The following BTBD7 variants were observed in gnomAD, a reference collection of about 807,000 sequenced individuals.
The protein encoded by BTBD7 is BTB/POZ domain-containing protein 7.
In BTBD7, 38 loss-of-function variants were observed where a neutral mutation model predicts 99.9. That is an observed-to-expected ratio of 0.38 (90% CI 0.29 to 0.50). The LOEUF is 0.50. Among genes scored for constraint, BTBD7 ranks in the 20% least tolerant of loss-of-function variants. The pLI is 0.93. For missense variants in BTBD7, 1,170 were observed against 1,394.6 expected, an observed-to-expected ratio of 0.84 and a Z score of 2.57; for synonymous variants, 520 against 511.4, an observed-to-expected ratio of 1.02 and a Z score of -0.23.
At chr14:93,327,337 A>C (rs2139835082) in intron 1 of BTBD7, among the ~76,000 whole-genome samples, 1 of 152,354 alleles carries the variant, frequency 6.6e-6, no homozygotes, top group African/African-American at 2.4e-5. Flanking sequence ...TACAAATGTG[A>C]GCCAGTTGTA....
At chr14:93,299,815 T>A (rs2052971720) in intron 1 of BTBD7, among the ~76,000 whole-genome samples, 1 of 152,094 alleles carries the variant, frequency 6.6e-6, no homozygotes. Flanking sequence ...TCCAAAGAGC[T>A]TTCCCAAAGT....
chr14:93,331,888 C>G (rs950822019), intron 1 of BTBD7, among the ~76,000 whole-genome samples: 33 of 147,904 alleles, frequency 2.2e-4, no homozygotes, highest in East Asian at 7.8e-4. Context: ...CTCCCCCCCC[C>G]CAAAAAGGTT....
intron 3 of BTBD7, chr14:93,288,091 A>G (rs12587394): frequency 0.17 from 29,306 of 172,340 alleles, 2,778 homozygotes; most frequent in East Asian, 0.31. Flanking sequence ...TCTGATTCCT[A>G]TTTCTTTGCA....
intron 3 of BTBD7, among the ~76,000 whole-genome samples, chr14:93,290,969 G>C (rs1389275223): frequency 6.7e-6 from 1 of 149,450 alleles, no homozygotes. Context: ...ACAAGTGTGG[G>C]CCACTGTGCT....
chr14:93,315,671 G>A (rs892346188), intron 1 of BTBD7, among the ~76,000 whole-genome samples: 3 of 152,134 alleles, frequency 2.0e-5, no homozygotes, highest in African/African-American at 4.8e-5. Context: ...GGGCTTTTGT[G>A]ACTGGCTTCT....
At chr14:93,315,424 A>C (rs1169051884) in intron 1 of BTBD7, among the ~76,000 whole-genome samples, 1 of 152,218 alleles carries the variant, frequency 6.6e-6, no homozygotes. Context: ...GTACAATGTT[A>C]GGCTTGACTT....
At position 93,240,135 on chromosome 14, in the gene BTBD7, C is replaced by G. The variant is rs2139664441; in HGVS notation, c.*2138G>C. On this transcript the variant is annotated 3_prime_UTR_variant, in exon 11 of 11. Coordinates refer to ENST00000334746, the MANE Select transcript of BTBD7 (RefSeq NM_001002860.4). ...TATGCTTTTCTCTTTAAAAAAGGAGCCTCGAATGCGATGCACAGCCGACCT... is the reference window on the plus strand; with the variant it reads ...TATGCTTTTCTCTTTAAAAAAGGAGGCTCGAATGCGATGCACAGCCGACCT... The G allele has an allele frequency of 6.6e-6, 1 of 152,448 alleles. No individual in the cohort carries two copies. The highest frequency in any genetic ancestry group is 2.1e-4 in the South Asian group (1 of 4,824). The allele number at this position is 152,448 out of a possible 1,614,324, so 9.4% of individuals were successfully genotyped here.
In BTBD7 at chr14:93,294,287, A is replaced by G; in HGVS notation, c.733T>C (p.Cys245Arg). 1.2e-6 allele frequency: 2 copies of G among 1,614,144 alleles called. No individual in the cohort carries two copies. Among genetic ancestry groups the G allele is most frequent in the Non-Finnish European group, 1.7e-6 (2 of 1,180,024 alleles). The change falls in exon 3 of 11, where the codon TGT (cysteine) becomes CGT (arginine). Residue 245 changes from cysteine (C) to arginine (R), a missense_variant. By Grantham distance (180) the Cys-to-Arg change is radical. Coordinates refer to ENST00000334746, the MANE Select transcript of BTBD7 (RefSeq NM_001002860.4). ...AAACTAAGGACGACATCATAATAAC[A>G]CATGTAATCAAAGAGTCCACGCATA... The part of the protein sequence containing the change: ...VDMRGLFDYM[C>R]YYDVVLSFSS...
intron 3 of BTBD7, among the ~76,000 whole-genome samples, chr14:93,277,970 A>G (rs1286802471): frequency 2.6e-5 from 4 of 152,254 alleles, no homozygotes; most frequent in Non-Finnish European, 5.9e-5. Flanking sequence ...ACACCTCTTT[A>G]TCTGAAAACA....
chr14:93,290,013 C>T (rs898278406), intron 3 of BTBD7, among the ~76,000 whole-genome samples: 6 of 152,024 alleles, frequency 3.9e-5, no homozygotes, highest in South Asian at 4.1e-4. Context: ...TGCACCACCA[C>T]GCCCAACTAA....
intron 1 of BTBD7, among the ~76,000 whole-genome samples, chr14:93,331,195 C>T (rs1331541924): frequency 6.6e-6 from 1 of 152,070 alleles, no homozygotes; most frequent in African/African-American, 2.4e-5. Context: ...TACACCAAAA[C>T]CCTATGGATA....
intron 10 of BTBD7, chr14:93,244,265 G>T (rs1013615761): frequency 3.5e-6 from 1 of 288,212 alleles, no homozygotes; most frequent in Non-Finnish European, 6.9e-6. Context: ...ATTAAGAGAT[G>T]CAAGCATGCT....
rs2052368417 is a variant in BTBD7 at position 93,251,598 on chromosome 14, C to T, written c.1807G>A (p.Val603Ile). The change falls in exon 8 of 11, where the codon GTT (valine) becomes ATT (isoleucine). Residue 603 changes from valine to isoleucine, a missense_variant. Coordinates refer to ENST00000334746, the MANE Select transcript of BTBD7 (RefSeq NM_001002860.4). ...GTGTCTGGCACATTGGACATTCTAA[C>T]CATTCGCAAGCGCACAAGATCCGTT... is the stretch of plus-strand genomic sequence containing the variant. ...EQTDLVRLRM[V>I]RMSNVPDTLY... The T allele has an allele frequency of 1.2e-6, 2 of 1,613,534 alleles. No homozygotes were observed. Among genetic ancestry groups the T allele is most frequent in the African/African-American group, 2.7e-5 (2 of 74,902 alleles).
intron 4 of BTBD7, 48 bp from the exon 5 acceptor site, chr14:93,261,725 G>T: frequency 7.2e-7 from 1 of 1,396,046 alleles, no homozygotes; most frequent in East Asian, 2.3e-5. Flanking sequence ...TTAGATAAGT[G>T]GTTAATTTCA....
At chr14:93,280,676 T>C (rs2052708422) in intron 3 of BTBD7, among the ~76,000 whole-genome samples, 1 of 152,112 alleles carries the variant, frequency 6.6e-6, no homozygotes. Flanking sequence ...TGGAGACATA[T>C]TTAGTAAGGC....
intron 8 of BTBD7, among the ~76,000 whole-genome samples, chr14:93,249,524 T>G (rs1215155694): frequency 6.6e-6 from 1 of 152,194 alleles, no homozygotes; most frequent in Non-Finnish European, 1.5e-5. Context: ...TGTGAACAAG[T>G]GCATTCTGAT....
intron 1 of BTBD7, among the ~76,000 whole-genome samples, chr14:93,314,029 G>A (rs1319444303): frequency 6.6e-6 from 1 of 152,008 alleles, no homozygotes; most frequent in African/African-American, 2.4e-5. Flanking sequence ...TACAAAGCAT[G>A]AGCCACCTCA....
In BTBD7 at chr14:93,307,056, A is replaced by G. The variant is rs563427520; in HGVS notation, c.-106-10899T>C. ...TTATTGGAATGTCATGTCAGCAGTA[A>G]TATCTTCCTGACATCTCCCACACCA... On this transcript the variant is annotated intron_variant, in intron 1 of 10. Transcript: ENST00000334746. Among the ~76,000 whole-genome samples the G allele has an allele frequency of 3.6e-3, 544 of 152,330 alleles. 3 individuals are homozygous for G. Among genetic ancestry groups the G allele is most frequent in the Non-Finnish European group, 6.0e-3 (405 of 68,026 alleles).
At chr14:93,290,460 C>T (rs1220351127) in intron 3 of BTBD7, among the ~76,000 whole-genome samples, 2 of 150,732 alleles carry the variant, frequency 1.3e-5, no homozygotes, top group African/African-American at 2.4e-5. Context: ...GATCTGCCTG[C>T]CCCGGCCTCC....
Sources: gnomAD v4.1 joint callset for allele counts (sites outside exome capture counted in the v4.1 genomes callset) on GRCh38, gnomAD v4.1.1 for gene constraint, MANE v1.5 for transcripts, NCBI Gene and HGNC (gene_info 2026-07-23, HGNC 2026-07-21) for gene names.